The following ASXL3 variants were observed in gnomAD, a reference collection of about 807,000 sequenced individuals.
The protein encoded by ASXL3 is ASXL transcriptional regulator 3.
ASXL3 carries 34 observed loss-of-function variants against 170.6 expected under a neutral mutation model. The observed-to-expected ratio is 0.20, with a 90% CI of 0.15 to 0.27. The LOEUF (loss-of-function observed/expected upper bound fraction) is 0.27. Among genes scored for constraint, ASXL3 ranks in the 10% least tolerant of loss-of-function variants. ASXL3 has a pLI of 1.00. For synonymous variants in ASXL3, 1,002 were observed against 989.1 expected (o/e 1.01, Z -0.24); for missense variants, 2,592 against 2,695.3 (o/e 0.96, Z 0.85).
intron 2 of ASXL3, among the ~76,000 whole-genome samples, chr18:33,637,799 A>G (rs1024736878): frequency 1.3e-5 from 2 of 152,150 alleles, no homozygotes; most frequent in African/African-American, 4.8e-5. Flanking sequence ...CATCTCAGTC[A>G]TCTTGGAATA....
intron 8 of ASXL3, among the ~76,000 whole-genome samples, chr18:33,687,165 C>T (rs1342205743): frequency 6.6e-6 from 1 of 152,126 alleles, no homozygotes; most frequent in East Asian, 1.9e-4. Flanking sequence ...GGCCTGTCAG[C>T]ATTTTATAGC....
intron 4 of ASXL3, among the ~76,000 whole-genome samples, chr18:33,649,812 A>C (rs1457648386): frequency 6.6e-6 from 1 of 152,108 alleles, no homozygotes; most frequent in African/African-American, 2.4e-5. Flanking sequence ...TTCTGAAGGA[A>C]ATGAGTTGGA....
intron 4 of ASXL3, among the ~76,000 whole-genome samples, chr18:33,652,004 T>A (rs1456779987): frequency 6.6e-6 from 1 of 152,096 alleles, no homozygotes; most frequent in Non-Finnish European, 1.5e-5. Flanking sequence ...CTCAAGTTAA[T>A]AATAATTAGA....
intron 2 of ASXL3, among the ~76,000 whole-genome samples, chr18:33,622,192 AAGC>A (rs1260908321): frequency 6.6e-6 from 1 of 152,152 alleles, no homozygotes. Flanking sequence ...TACTGATTAA[AAGC>A]AGCTAAATCC....
intron 2 of ASXL3, among the ~76,000 whole-genome samples, chr18:33,611,135 T>G (rs1048964541): frequency 1.3e-5 from 2 of 152,112 alleles, no homozygotes; most frequent in African/African-American, 2.4e-5. Context: ...CATGTAGACA[T>G]GATAAAGATA....
chr18:33,652,362 T>C (rs1280052627), intron 4 of ASXL3, among the ~76,000 whole-genome samples: 1 of 152,024 alleles, frequency 6.6e-6, no homozygotes, highest in African/African-American at 2.4e-5. Context: ...CTTCATCCTC[T>C]ATCTATAAAT....
At chr18:33,591,951 C>T (rs897856958) in intron 1 of ASXL3, among the ~76,000 whole-genome samples, 26 of 152,014 alleles carry the variant, frequency 1.7e-4, no homozygotes, top group African/African-American at 6.3e-4. Context: ...TTGGAATTCA[C>T]TATTTTCTGA....
intron 2 of ASXL3, among the ~76,000 whole-genome samples, chr18:33,617,308 A>G (rs2065440354): frequency 6.6e-6 from 1 of 152,102 alleles, no homozygotes; most frequent in Non-Finnish European, 1.5e-5. Context: ...CCTGGCCAAC[A>G]CGGTGAAACC....
intron 1 of ASXL3, among the ~76,000 whole-genome samples, chr18:33,592,049 A>G (rs1205512634): frequency 6.6e-6 from 1 of 152,136 alleles, no homozygotes; most frequent in Non-Finnish European, 1.5e-5. Flanking sequence ...GAAATCCTTA[A>G]TCAGGGGAGT....
chr18:33,671,619 T>G, intron 6 of ASXL3, 128 bp from the exon 7 acceptor site: 1 of 734,962 alleles, frequency 1.4e-6, no homozygotes, highest in Non-Finnish European at 2.1e-6. Flanking sequence ...GGAATCAGAT[T>G]GTGGCCAAAG....
intron 8 of ASXL3, among the ~76,000 whole-genome samples, chr18:33,726,672 CAT>C (rs2067357031): frequency 6.6e-6 from 1 of 152,152 alleles, no homozygotes; most frequent in Non-Finnish European, 1.5e-5. Context: ...ATTGAAATCA[CAT>C]ATGTGACTCA....
chr18:33,670,452 A>G (rs1412698234), intron 5 of ASXL3, among the ~76,000 whole-genome samples: 1 of 152,164 alleles, frequency 6.6e-6, no homozygotes, highest in Non-Finnish European at 1.5e-5. Flanking sequence ...TATACCGAAA[A>G]TGGTCTCGGG....
In ASXL3 at chr18:33,747,343, A is replaced by T. The variant is rs1057291959; in HGVS notation, c.*748A>T. The T allele has an allele frequency of 1.3e-5, 2 of 151,998 alleles. No individual in the cohort carries two copies. Among genetic ancestry groups the T allele is most frequent in the Non-Finnish European group, 2.9e-5 (2 of 67,998 alleles). 9.4% of individuals were successfully genotyped at this position (151,998 alleles called of 1,614,324 possible). On this transcript the variant is annotated 3_prime_UTR_variant, in exon 12 of 12. Coordinates refer to ENST00000269197, the MANE Select transcript of ASXL3 (RefSeq NM_030632.3). ...CTTTGACACCTGATAATATGAGAGC[A>T]ATTGGCCAGCCAATAGCCATAAGCC...
chr18:33,641,237 A>G (rs1381089996), intron 2 of ASXL3, among the ~76,000 whole-genome samples: 1 of 152,052 alleles, frequency 6.6e-6, no homozygotes, highest in African/African-American at 2.4e-5. Context: ...TCTGTATTTC[A>G]CACAGCACTG....
chr18:33,584,074 T>C (rs774436923), intron 1 of ASXL3, among the ~76,000 whole-genome samples: 35 of 152,136 alleles, frequency 2.3e-4, no homozygotes, highest in Non-Finnish European at 4.4e-4. Context: ...AGCTATGTGG[T>C]ATGTGGTGAT....
At chr18:33,701,214 T>G (rs1443268644) in intron 8 of ASXL3, among the ~76,000 whole-genome samples, 5 of 152,054 alleles carry the variant, frequency 3.3e-5, no homozygotes, top group South Asian at 4.1e-4. Context: ...CCTTTAGATT[T>G]TTAGAAGTGT....
intron 2 of ASXL3, among the ~76,000 whole-genome samples, chr18:33,609,453 C>T (rs2065301087): frequency 6.6e-6 from 1 of 152,000 alleles, no homozygotes; most frequent in Non-Finnish European, 1.5e-5. Flanking sequence ...ATAAAAATCC[C>T]TGTACCGTGG....
chr18:33,720,999 A>C (rs1287158754), intron 8 of ASXL3, among the ~76,000 whole-genome samples: 1 of 152,092 alleles, frequency 6.6e-6, no homozygotes, highest in Non-Finnish European at 1.5e-5. Flanking sequence ...AATCAATATT[A>C]ATATTCTCCT....
chr18:33,684,002 G>A, intron 8 of ASXL3, among the ~76,000 whole-genome samples: 1 of 152,112 alleles, frequency 6.6e-6, no homozygotes, highest in Non-Finnish European at 1.5e-5. Flanking sequence ...TGCTCTCTGA[G>A]AGTCTATCAG....
Sources: gnomAD v4.1 joint callset for allele counts (sites outside exome capture counted in the v4.1 genomes callset) on GRCh38, gnomAD v4.1.1 for gene constraint, MANE v1.5 for transcripts, NCBI Gene and HGNC (gene_info 2026-07-23, HGNC 2026-07-21) for gene names.